The following CDKL4 variants were observed in gnomAD, a reference collection of about 807,000 sequenced individuals.
CDKL4 encodes the protein cyclin dependent kinase like 4, also known as cyclin-dependent kinase-like 4.
CDKL4 carries 44 observed loss-of-function variants against 42.0 expected under a neutral mutation model. The ratio of observed to expected loss-of-function variants is 1.05; its 90% CI spans 0.82 to 1.35. CDKL4 has a LOEUF of 1.35. Ranked by LOEUF, CDKL4 falls within the 40% of genes most tolerant of loss-of-function variation. CDKL4 has a pLI of 0.00. For missense variants in CDKL4, 393 were observed against 369.9 expected (o/e 1.06, Z -0.51); for synonymous variants, 120 against 121.6 (o/e 0.99, Z 0.09).
chr2:39,241,561 C>T (rs934671464), intron 1 of CDKL4, among the ~76,000 whole-genome samples: 5 of 152,190 alleles, frequency 3.3e-5, no homozygotes, highest in Non-Finnish European at 7.3e-5. Flanking sequence ...CAGTTCTGTA[C>T]GCCGTGGCCC....
At chr2:39,175,634 T>C (rs962546304), downstream of CDKL4, 1 of 172,266 alleles carries the variant, frequency 5.8e-6, no homozygotes, top group Non-Finnish European at 1.3e-5. Flanking sequence ...TGATATTGCT[T>C]TAAGAAATTA....
intron 1 of CDKL4, among the ~76,000 whole-genome samples, chr2:39,237,421 C>A (rs1679430980): frequency 6.6e-6 from 1 of 152,160 alleles, no homozygotes; most frequent in Non-Finnish European, 1.5e-5. Context: ...TAACATCATG[C>A]TTAATGATGA....
At position 39,190,457 on chromosome 2, in the gene CDKL4, C is replaced by T. The variant is rs143776608; in HGVS notation, c.500G>A (p.Arg167Gln). Residue 167 changes from arginine (R) to glutamine (Q), a missense_variant, in exon 6 of 10, where the codon CGA becomes CAA. Coordinates refer to ENST00000451199, the Ensembl canonical transcript of CDKL4. ...ATCTCCCACAAGAAGTTCAGGAGCTCGGTACCATCTCGTAGCTACATAATC... is the reference window on the plus strand; with the variant it reads ...ATCTCCCACAAGAAGTTCAGGAGCTTGGTACCATCTCGTAGCTACATAATC... 1.1e-5 allele frequency: 18 copies of T among 1,613,926 alleles called. No homozygotes were observed. Among genetic ancestry groups the T allele is most frequent in the Middle Eastern group, 1.6e-4 (1 of 6,084 alleles).
intron 1 of CDKL4, among the ~76,000 whole-genome samples, chr2:39,242,052 T>G (rs1440514472): frequency 6.6e-6 from 1 of 151,880 alleles, no homozygotes; most frequent in Non-Finnish European, 1.5e-5. Flanking sequence ...TCCTTTTTTT[T>G]TTTTTTTAAC....
chr2:39,230,288 C>T (rs1277934032), intron 1 of CDKL4, among the ~76,000 whole-genome samples: 3 of 152,192 alleles, frequency 2.0e-5, no homozygotes, highest in East Asian at 3.8e-4. Context: ...CCCTTGAACC[C>T]AGCTGAGATT....
intron 6 of CDKL4, among the ~76,000 whole-genome samples, chr2:39,188,361 G>A (rs913650304): frequency 4.0e-5 from 6 of 151,768 alleles, no homozygotes; most frequent in Non-Finnish European, 8.8e-5. Flanking sequence ...AAGAAATCGA[G>A]ACCATCCTGG....
chr2:39,198,312 C>T (rs1270053769), intron 5 of CDKL4, among the ~76,000 whole-genome samples: 3 of 148,364 alleles, frequency 2.0e-5, no homozygotes, highest in Non-Finnish European at 4.5e-5. Context: ...TAAATATATA[C>T]GCACCTAACA....
chr2:39,184,790 A>AGT, intron 7 of CDKL4, 143 bp from the exon 8 acceptor site: 1 of 597,074 alleles, frequency 1.7e-6, no homozygotes, highest in Non-Finnish European at 3.0e-6. Flanking sequence ...GCTGCAGTGC[A>AGT]GTGGCATGAT....
intron 2 of CDKL4, 143 bp downstream of exon 2, chr2:39,229,222 A>G: frequency 1.6e-6 from 1 of 621,320 alleles, no homozygotes; most frequent in East Asian, 2.9e-5. Context: ...GTCCAAAGTG[A>G]TAATCAACTT....
At chr2:39,245,178 C>T (rs907124834), upstream of CDKL4, among the ~76,000 whole-genome samples, 1 of 152,212 alleles carries the variant, frequency 6.6e-6, no homozygotes, top group African/African-American at 2.4e-5. Context: ...AATCTTGCTA[C>T]TGCTCACTCT....
chr2:39,187,680 A>T (rs780831657), exon 7 of CDKL4: 11 of 1,612,654 alleles, frequency 6.8e-6, no homozygotes, highest in Admixed American at 3.3e-5. Context: ...TTACTTTTAA[A>T]GATTGATTGA....
chr2:39,187,677 T>G (rs958170968), exon 7 of CDKL4: 2 of 1,612,732 alleles, frequency 1.2e-6, no homozygotes, highest in Non-Finnish European at 1.7e-6. Context: ...CCGTTACTTT[T>G]AAAGATTGAT....
intron 1 of CDKL4, among the ~76,000 whole-genome samples, chr2:39,242,130 G>T: frequency 6.6e-6 from 1 of 151,204 alleles, no homozygotes; most frequent in East Asian, 1.9e-4. Context: ...ACTGCAGCCT[G>T]TACCTGCTGG....
chr2:39,204,526 C>T lies in CDKL4; in HGVS notation c.454+1G>A. Reference sequence around the variant, plus strand: ...TATTAGTAAAAAAAATTGCTACTTACTCAGAATTTGTGCAAACCCGAAGTC... The same window carrying T: ...TATTAGTAAAAAAAATTGCTACTTATTCAGAATTTGTGCAAACCCGAAGTC... On this transcript the variant is annotated splice_donor_variant, in intron 5 of 9. Coordinates refer to ENST00000451199, the Ensembl canonical transcript of CDKL4. LOFTEE classifies it high-confidence loss of function. 6.3e-7 allele frequency: 1 copy of T among 1,587,012 alleles called. No individual in the cohort carries two copies.
chr2:39,241,424 T>A (rs1679656523), intron 1 of CDKL4, among the ~76,000 whole-genome samples: 1 of 152,248 alleles, frequency 6.6e-6, no homozygotes, highest in Admixed American at 6.5e-5. Flanking sequence ...TTCTTCTTTA[T>A]ATTTACTTTT....
intron 3 of CDKL4, among the ~76,000 whole-genome samples, chr2:39,224,916 C>A (rs1429386482): frequency 2.0e-5 from 3 of 152,108 alleles, no homozygotes; most frequent in Non-Finnish European, 4.4e-5. Context: ...TTAGGTGGTT[C>A]TCTTAGATTT....
chr2:39,244,032 G>C (rs973269952), upstream of CDKL4, among the ~76,000 whole-genome samples: 4 of 152,216 alleles, frequency 2.6e-5, no homozygotes, highest in African/African-American at 4.8e-5. Context: ...TAGGGCGCGC[G>C]GGGCACTGCG....
chr2:39,226,849 C>A (rs1678778374), intron 2 of CDKL4, among the ~76,000 whole-genome samples: 1 of 152,012 alleles, frequency 6.6e-6, no homozygotes, highest in African/African-American at 2.4e-5. Context: ...TCACTACAAC[C>A]TCCGCCTCCT....
intron 5 of CDKL4, among the ~76,000 whole-genome samples, chr2:39,202,483 C>T (rs1347586145): frequency 6.6e-6 from 1 of 152,104 alleles, no homozygotes; most frequent in Non-Finnish European, 1.5e-5. Context: ...CCATGGGTTG[C>T]TTTTCATTCT....
Sources: allele counts gnomAD v4.1 joint callset (sites outside exome capture counted in the v4.1 genomes callset), GRCh38; gene constraint gnomAD v4.1.1; transcripts MANE v1.5; gene names NCBI Gene and HGNC (gene_info 2026-07-23, HGNC 2026-07-21).